Variants in FAM193A observed in about 807,000 individuals in gnomAD.
FAM193A encodes the protein family with sequence similarity 193 member A.
Under a neutral mutation model 126.5 loss-of-function variants are expected in FAM193A, and 22 were observed. The observed-to-expected ratio is 0.17, with a 90% CI of 0.12 to 0.25. FAM193A has a LOEUF of 0.25. Ranked by LOEUF, FAM193A falls within the 10% of genes least tolerant of loss-of-function variation. The pLI is 1.00. For synonymous variants in FAM193A, 761 were observed against 646.8 expected (o/e 1.18, Z -2.68); for missense variants, 1,675 against 1,672.8 (o/e 1.00, Z -0.02).
intron 5 of FAM193A, among the ~76,000 whole-genome samples, chr4:2,635,481 G>A (rs557432752): frequency 9.9e-5 from 15 of 152,180 alleles, no homozygotes; most frequent in Non-Finnish European, 2.1e-4. Flanking sequence ...ACATATATTA[G>A]AGAATGTAAC....
intron 1 of FAM193A, among the ~76,000 whole-genome samples, chr4:2,544,754 A>C (rs1201997556): frequency 6.6e-6 from 1 of 151,962 alleles, no homozygotes; most frequent in African/African-American, 2.4e-5. Flanking sequence ...CTGTAATCCC[A>C]GTTATGTAGG....
chr4:2,590,134 C>CAAAA (rs373845579), intron 1 of FAM193A, among the ~76,000 whole-genome samples: 2 of 106,544 alleles, frequency 1.9e-5, no homozygotes, highest in African/African-American at 3.4e-5. Context: ...GACTCTGTCT[C>CAAAA]AAAAAAAAAA....
At chr4:2,585,799 G>C (rs921314650) in intron 1 of FAM193A, among the ~76,000 whole-genome samples, 9 of 152,118 alleles carry the variant, frequency 5.9e-5, no homozygotes, top group African/African-American at 1.9e-4. Flanking sequence ...GTGGTGGCGG[G>C]CACCTGTAGT....
intron 2 of FAM193A, among the ~76,000 whole-genome samples, chr4:2,607,664 CTTAG>C (rs1222370992): frequency 6.6e-6 from 1 of 152,144 alleles, no homozygotes; most frequent in African/African-American, 2.4e-5. Context: ...TGTCAGAGAA[CTTAG>C]TTAATTATCA....
chr4:2,538,901 T>A (rs1212609224), intron 1 of FAM193A, among the ~76,000 whole-genome samples: 1 of 137,650 alleles, frequency 7.3e-6, no homozygotes, highest in Non-Finnish European at 1.6e-5. Context: ...TTTTATTTAT[T>A]TTTTTTTGAG....
intron 1 of FAM193A, among the ~76,000 whole-genome samples, chr4:2,559,260 T>A (rs184992517): frequency 6.6e-6 from 1 of 152,310 alleles, no homozygotes; most frequent in Admixed American, 6.5e-5. Flanking sequence ...AGCCCCTGTT[T>A]ATTGCCAAGA....
chr4:2,677,604 G>C (rs1228031611), intron 13 of FAM193A, among the ~76,000 whole-genome samples: 1 of 151,908 alleles, frequency 6.6e-6, no homozygotes, highest in Non-Finnish European at 1.5e-5. Context: ...AGCCGGGCGT[G>C]GTGGCACGTG....
chr4:2,579,930 A>G (rs572602645), intron 1 of FAM193A, among the ~76,000 whole-genome samples: 1 of 152,314 alleles, frequency 6.6e-6, no homozygotes, highest in Admixed American at 6.5e-5. Context: ...ATTACTGGGT[A>G]TATACTCAAA....
chr4:2,662,309 C>CA (rs908075528), intron 10 of FAM193A, among the ~76,000 whole-genome samples: 9 of 151,650 alleles, frequency 5.9e-5, no homozygotes, highest in African/African-American at 1.7e-4. Context: ...GGCCTTAAAG[C>CA]AAAAAAAATT....
Position 2,663,280 on chromosome 4 carries a change from A to G in FAM193A, c.2071A>G (p.Thr691Ala). 2 of 1,580,326 alleles carry G rather than the reference A, an allele frequency of 1.3e-6. No individual in the cohort carries two copies. The highest frequency in any genetic ancestry group is 1.2e-5 in the South Asian group (1 of 86,054). ...AGACAGTCCACCCCCATCCTACCCA[A>G]CACAGCAGGTAGGACTTTGCTTGCT... Reference protein sequence around the residue: ...KADSPPPSYPTQQAEQAPNTC... With the variant: ...KADSPPPSYPAQQAEQAPNTC... The change falls in exon 12 of 21, where the codon ACA (threonine) becomes GCA (alanine). Residue 691 changes from threonine (T) to alanine (A), a missense_variant. Transcript: ENST00000637812.
At chr4:2,607,328 C>A (rs1459380285) in intron 2 of FAM193A, among the ~76,000 whole-genome samples, 1 of 152,212 alleles carries the variant, frequency 6.6e-6, no homozygotes, top group Non-Finnish European at 1.5e-5. Context: ...CTGCTGTCTT[C>A]GTCCTTGCAT....
chr4:2,674,304 A>T (rs1401910951), intron 13 of FAM193A, among the ~76,000 whole-genome samples: 2 of 152,246 alleles, frequency 1.3e-5, no homozygotes, highest in South Asian at 4.1e-4. Context: ...TGTTGACCAC[A>T]TCTGTGCCTA....
At chr4:2,622,149 C>G (rs1410330804) in intron 2 of FAM193A, among the ~76,000 whole-genome samples, 1 of 148,642 alleles carries the variant, frequency 6.7e-6, no homozygotes, top group East Asian at 2.0e-4. Flanking sequence ...CCCAGCTACT[C>G]AGGAGGCTGA....
intron 13 of FAM193A, among the ~76,000 whole-genome samples, chr4:2,674,056 T>G (rs1034081823): frequency 2.6e-5 from 4 of 152,218 alleles, no homozygotes; most frequent in Non-Finnish European, 5.9e-5. Flanking sequence ...GTATAGAAAC[T>G]TAGAAATTTA....
In FAM193A at chr4:2,690,725, C is replaced by A. The variant is rs2109263766; in HGVS notation, c.2558C>A (p.Ser853Ter). The A allele has an allele frequency of 6.2e-7, 1 of 1,613,576 alleles. No individual in the cohort carries two copies. The highest frequency in any genetic ancestry group is 1.1e-5 in the South Asian group (1 of 91,024). ...AGTGAAATATTAGGGCCAACACTCTCAGAAACAAGACCGGAAGCCCTTCCA... is the reference window on the plus strand; with the variant it reads ...AGTGAAATATTAGGGCCAACACTCTAAGAAACAAGACCGGAAGCCCTTCCA... ...SGSEILGPTLSETRPEALPPP... is the reference protein window; with the variant it reads ...SGSEILGPTL Residue 853 changes from serine (S) to a stop codon, truncating the protein, a stop_gained, in exon 15 of 21, where the codon TCA becomes TAA. Transcript: ENST00000637812. LOFTEE classifies it high-confidence loss of function.
intron 13 of FAM193A, among the ~76,000 whole-genome samples, chr4:2,681,821 T>G (rs1715159204): frequency 1.3e-5 from 2 of 152,110 alleles, no homozygotes; most frequent in Non-Finnish European, 2.9e-5. Context: ...AGCTATACAT[T>G]TTGCTCTTAG....
At position 2,630,942 on chromosome 4, in the gene FAM193A, G is replaced by C. The variant is rs776038615; in HGVS notation, c.811G>C (p.Glu271Gln). 1 of 1,587,624 alleles carries C rather than the reference G, an allele frequency of 6.3e-7. No individual in the cohort carries two copies. Among genetic ancestry groups the C allele is most frequent in the South Asian group, 1.1e-5 (1 of 90,312 alleles). The change falls in exon 5 of 21, where the codon GAG (glutamate) becomes CAG (glutamine). Residue 271 changes from glutamate to glutamine, a missense_variant. Coordinates refer to ENST00000637812, the MANE Select transcript of FAM193A (RefSeq NM_001366318.2). ...GVKELVDRLC[E>Q]RDPYQLYQRL... ...ACCCTCTTCTCTGTGCAGGCTCTGC[G>C]AGAGGGACCCCTACCAGCTGTACCA...
chr4:2,636,058 G>GT (rs1244288654), intron 5 of FAM193A, among the ~76,000 whole-genome samples: 55 of 146,982 alleles, frequency 3.7e-4, no homozygotes, highest in Admixed American at 9.4e-4. Flanking sequence ...GTCTTTTTGT[G>GT]TTTTTTTTGA....
At chr4:2,617,168 CAAAAAAAAAAAAATTA>C (rs1286743031) in intron 2 of FAM193A, among the ~76,000 whole-genome samples, 1,547 of 51,812 alleles carry the variant, frequency 0.03, 62 homozygotes, top group African/African-American at 0.12. Flanking sequence ...ACTCCATCTC[CAAAAAAAAAAAAATTA>C]AAAAAAAAAA....
Sources: gnomAD v4.1 joint callset for allele counts (sites outside exome capture counted in the v4.1 genomes callset) on GRCh38, gnomAD v4.1.1 for gene constraint, MANE v1.5 for transcripts, NCBI Gene and HGNC (gene_info 2026-07-23, HGNC 2026-07-21) for gene names.